Variants in TMLHE observed in about 807,000 individuals in gnomAD.
The protein encoded by TMLHE is trimethyllysine hydroxylase, epsilon.
A neutral mutation model predicts 25.7 loss-of-function variants in TMLHE; 18 were observed. The ratio of observed to expected loss-of-function variants is 0.70; its 90% CI spans 0.48 to 1.04. TMLHE has a LOEUF of 1.04. TMLHE is among the 50% of genes least tolerant of loss of function. The probability of loss-of-function intolerance (pLI) is 0.00; values close to 1 mark genes in which losing one functional copy is unlikely to be tolerated. For synonymous variants in TMLHE, 105 were observed against 97.0 expected, an observed-to-expected ratio of 1.08 and a Z score of -0.49; for missense variants, 236 against 259.0, an observed-to-expected ratio of 0.91 and a Z score of 0.61.
chrX:155,550,009 A>C (rs782794040), intron 1 of TMLHE, among the ~76,000 whole-genome samples: 1 of 110,492 alleles, frequency 9.1e-6, no homozygotes, highest in East Asian at 2.8e-4. Context: ...TTTGCTGAGA[A>C]TGATGGTTTC....
chrX:155,509,863 C>T (rs1557333159), intron 5 of TMLHE, among the ~76,000 whole-genome samples: 1 of 111,768 alleles, frequency 8.9e-6, no homozygotes, highest in Non-Finnish European at 1.9e-5. Context: ...ATCAAGAACA[C>T]GGAATAACCA....
intron 2 of TMLHE, among the ~76,000 whole-genome samples, chrX:155,544,215 A>C (rs1406912387): frequency 8.9e-6 from 1 of 111,769 alleles, no homozygotes; most frequent in East Asian, 2.8e-4. Context: ...AACCCTCAAA[A>C]AGATATGTTG....
At chrX:155,551,218 T>G (rs2067412996) in intron 1 of TMLHE, among the ~76,000 whole-genome samples, 1 of 111,082 alleles carries the variant, frequency 9.0e-6, no homozygotes, top group African/African-American at 3.3e-5. Context: ...TATTTTCTTT[T>G]TTTTTATTAT....
chrX:155,593,431 A>G (rs1158191432), intron 1 of TMLHE, among the ~76,000 whole-genome samples: 1 of 112,213 alleles, frequency 8.9e-6, no homozygotes, highest in Non-Finnish European at 1.9e-5. Context: ...GCTAGACAAT[A>G]GTGAAGGTCC....
At chrX:155,530,903 A>G (rs781785965) in intron 2 of TMLHE, among the ~76,000 whole-genome samples, 1 of 112,455 alleles carries the variant, frequency 8.9e-6, no homozygotes, top group South Asian at 3.7e-4. Context: ...GGAGCAGAGC[A>G]TGCATAAAAC....
At chrX:155,513,927 G>C (rs1381818987) in intron 4 of TMLHE, 59 bp downstream of exon 4, 27 of 1,085,936 alleles carry the variant, frequency 2.5e-5, no homozygotes, top group Non-Finnish European at 3.4e-5. Flanking sequence ...TTATTTATTG[G>C]TGTTCATGCT....
chrX:155,539,301 A>G (rs782389514), intron 2 of TMLHE, among the ~76,000 whole-genome samples: 1 of 111,915 alleles, frequency 8.9e-6, no homozygotes, highest in East Asian at 2.8e-4. Flanking sequence ...AAGGTGATCA[A>G]TGTGGCTTGG....
intron 2 of TMLHE, among the ~76,000 whole-genome samples, chrX:155,538,830 T>A (rs2067295040): frequency 2.7e-5 from 3 of 111,619 alleles, no homozygotes; most frequent in Admixed American, 1.9e-4. Flanking sequence ...CTCTTTTGCA[T>A]CACCAAATTT....
rs782121512 is a variant in TMLHE at position 155,545,271 on chromosome X, C to T, written c.6G>A (p.Trp2Ter). The change falls in exon 2 of 8, where the codon TGG becomes TGA. Residue 2 changes from tryptophan to a stop codon, truncating the protein, a stop_gained. Coordinates refer to ENST00000334398, the MANE Select transcript of TMLHE (RefSeq NM_018196.4). LOFTEE classifies it high-confidence loss of function. ...TGTGTAGGTGGGACAATCTGTGGTA[C>T]CACATCCTAGAAGATTGGATAATAA... is the stretch of plus-strand genomic sequence containing the variant. M[W>*]YHRLSHLHSR... 1.7e-6 allele frequency: 2 copies of T among 1,186,109 alleles called. No homozygotes were observed. Among genetic ancestry groups the T allele is most frequent in the African/African-American group, 3.6e-5 (2 of 56,080 alleles).
chrX:155,611,143 A>G (rs1301764979), intron 1 of TMLHE, among the ~76,000 whole-genome samples: 7 of 111,433 alleles, frequency 6.3e-5, no homozygotes, highest in Non-Finnish European at 1.1e-4. Flanking sequence ...ACACTCACCT[A>G]CATATCAGCC....
chrX:155,551,543 G>A (rs1405402357), intron 1 of TMLHE, among the ~76,000 whole-genome samples: 1 of 109,164 alleles, frequency 9.2e-6, no homozygotes, highest in Non-Finnish European at 1.9e-5. Flanking sequence ...AGCATCTGTT[G>A]TTTCCTGACT....
At chrX:155,573,114 A>G (rs1490282301) in intron 1 of TMLHE, among the ~76,000 whole-genome samples, 1 of 57,035 alleles carries the variant, frequency 1.8e-5, no homozygotes, top group Admixed American at 2.0e-4. Context: ...AGAATCTACA[A>G]TGAACTCAAA....
intron 1 of TMLHE, among the ~76,000 whole-genome samples, chrX:155,547,353 C>G (rs1462049729): frequency 9.2e-6 from 1 of 109,087 alleles, no homozygotes; most frequent in Non-Finnish European, 1.9e-5. Context: ...ACCGTGTTAG[C>G]CAGGATGGTC....
Position 155,540,758 on chromosome X carries a change from T to G in TMLHE, c.181+4338A>C, listed in dbSNP as rs960790494. 1.8e-5 allele frequency among the ~76,000 whole-genome samples: 2 copies of G among 111,568 alleles called. 1 individual carries two copies. The highest frequency in any genetic ancestry group is 6.5e-5 in the African/African-American group (2 of 30,673). On this transcript the variant is annotated intron_variant, in intron 2 of 7. Coordinates refer to ENST00000334398, the MANE Select transcript of TMLHE (RefSeq NM_018196.4). The stretch of plus-strand genomic sequence containing the variant: ...AAAGGATGCCCACCCTCAATATTAC[T>G]ATTGTTGAAGTACTGGGATTCCTAG...
chrX:155,512,926 C>G (rs1557333978), intron 4 of TMLHE, among the ~76,000 whole-genome samples: 1 of 111,777 alleles, frequency 8.9e-6, no homozygotes, highest in Non-Finnish European at 1.9e-5. Context: ...GACTAAAGGT[C>G]ACTTTAATTC....
intron 3 of TMLHE, among the ~76,000 whole-genome samples, chrX:155,518,488 G>T (rs1165899628): frequency 4.2e-5 from 4 of 95,175 alleles, no homozygotes; most frequent in South Asian, 5.7e-4. Flanking sequence ...TCTCTTTTTT[G>T]GTTGTGTCTC....
At chrX:155,548,523 CAGCAGTA>C (rs2067376376) in intron 1 of TMLHE, among the ~76,000 whole-genome samples, 1 of 107,941 alleles carries the variant, frequency 9.3e-6, no homozygotes, top group African/African-American at 3.6e-5. Flanking sequence ...ATCACAAGGT[CAGCAGTA>C]TGAGGCCAGC....
chrX:155,512,457 G>T (rs782280028), intron 4 of TMLHE, among the ~76,000 whole-genome samples: 25 of 109,184 alleles, frequency 2.3e-4, no homozygotes, highest in Non-Finnish European at 3.8e-4. Context: ...CTGAGAATGA[G>T]GATTTCCAAT....
chrX:155,611,348 C>G (rs1177332240), intron 1 of TMLHE: 2 of 111,527 alleles, frequency 1.8e-5, no homozygotes, highest in African/African-American at 6.5e-5. Context: ...GGAAGAGACT[C>G]TTCCCACCAA....
Sources: gnomAD v4.1 joint callset for allele counts (sites outside exome capture counted in the v4.1 genomes callset) on GRCh38, gnomAD v4.1.1 for gene constraint, MANE v1.5 for transcripts, NCBI Gene and HGNC (gene_info 2026-07-23, HGNC 2026-07-21) for gene names.